The following CTNNA3 variants were observed in gnomAD, a reference collection of about 807,000 sequenced individuals.
The protein encoded by CTNNA3 is catenin alpha 3, also known as catenin alpha-3.
In CTNNA3, 76 loss-of-function variants were observed where a neutral mutation model predicts 95.7. That is an observed-to-expected ratio of 0.79 (90% CI 0.66 to 0.96). CTNNA3 has a LOEUF of 0.96. Ranked by LOEUF, CTNNA3 falls within the 40% of genes least tolerant of loss-of-function variation. CTNNA3 has a pLI of 0.00. For missense variants in CTNNA3, 1,191 were observed against 1,089.8 expected, an observed-to-expected ratio of 1.09 and a Z score of -1.31; for synonymous variants, 431 against 374.4, an observed-to-expected ratio of 1.15 and a Z score of -1.74.
At chr10:67,458,836 C>T (rs570641170) in intron 5 of CTNNA3, among the ~76,000 whole-genome samples, 1 of 152,218 alleles carries the variant, frequency 6.6e-6, no homozygotes, top group Non-Finnish European at 1.5e-5. Context: ...AGGTTCCTCG[C>T]TTAACATGTG....
intron 7 of CTNNA3, among the ~76,000 whole-genome samples, chr10:67,051,310 C>G (rs1024128664): frequency 3.9e-5 from 6 of 152,110 alleles, no homozygotes; most frequent in Non-Finnish European, 8.8e-5. Context: ...AATGTCTTCA[C>G]AATTGTACTC....
chr10:66,980,931 A>G (rs765881762), intron 7 of CTNNA3, among the ~76,000 whole-genome samples: 11 of 145,342 alleles, frequency 7.6e-5, no homozygotes, highest in Non-Finnish European at 1.3e-4. Context: ...TTTGAGACAG[A>G]GTTTCACTCT....
intron 15 of CTNNA3, 78 bp from the exon 16 acceptor site, chr10:65,988,875 G>A (rs925578748): frequency 2.0e-6 from 2 of 988,958 alleles, no homozygotes; most frequent in African/African-American, 1.6e-5. Context: ...ATGAAAAAAT[G>A]TATTAATCTA....
chr10:66,659,105 A>G (rs1018884372), intron 9 of CTNNA3, among the ~76,000 whole-genome samples: 2 of 152,044 alleles, frequency 1.3e-5, no homozygotes, highest in African/African-American at 4.8e-5. Flanking sequence ...AACTGGGACT[A>G]TATCATTGAA....
chr10:66,050,269 T>C (rs950965987), intron 15 of CTNNA3, among the ~76,000 whole-genome samples: 3 of 152,068 alleles, frequency 2.0e-5, no homozygotes, highest in East Asian at 1.9e-4. Flanking sequence ...TTTTCTGAAA[T>C]CCAAAATATC....
intron 11 of CTNNA3, among the ~76,000 whole-genome samples, chr10:66,448,112 C>G (rs941045782): frequency 6.6e-6 from 1 of 152,172 alleles, no homozygotes. Flanking sequence ...AAATGCAAAT[C>G]AAAACCACAA....
At chr10:67,740,079 T>C (rs1181851960) in intron 1 of CTNNA3, among the ~76,000 whole-genome samples, 1 of 152,188 alleles carries the variant, frequency 6.6e-6, no homozygotes, top group Non-Finnish European at 1.5e-5. Flanking sequence ...ATTTAATAAA[T>C]GGTGCTGAGA....
rs995463000 is a variant in CTNNA3 at position 67,235,042 on chromosome 10, T to C, written c.580-15172A>G. On this transcript the variant is annotated intron_variant, in intron 5 of 17. Coordinates refer to ENST00000433211, the MANE Select transcript of CTNNA3 (RefSeq NM_013266.4). ...TACAAACAAATGGAAGAACATTCCA[T>C]GCTCATGGGTAGGAAGAATCAATAT... Among the ~76,000 whole-genome samples the C allele has an allele frequency of 2.7e-4, 41 of 151,252 alleles. No individual in the cohort carries two copies. The South Asian group carries it at 7.8e-3, about 29-fold the overall frequency.
intron 7 of CTNNA3, among the ~76,000 whole-genome samples, chr10:67,073,249 A>G (rs576786072): frequency 2.8e-4 from 43 of 152,314 alleles, no homozygotes; most frequent in African/African-American, 1.0e-3. Flanking sequence ...AAGCTATTAC[A>G]TTTTAATAGC....
At chr10:67,360,242 C>T (rs1315239433) in intron 5 of CTNNA3, among the ~76,000 whole-genome samples, 1 of 151,876 alleles carries the variant, frequency 6.6e-6, no homozygotes, top group Non-Finnish European at 1.5e-5. Flanking sequence ...CACCTGCTAC[C>T]ATAAAAACAT....
chr10:67,145,079 G>A (rs1476506423), intron 7 of CTNNA3, among the ~76,000 whole-genome samples: 1 of 152,144 alleles, frequency 6.6e-6, no homozygotes, highest in Non-Finnish European at 1.5e-5. Flanking sequence ...AAAGCTGGAG[G>A]AATGGCTGTT....
At chr10:66,870,264 C>T (rs552597557) in intron 7 of CTNNA3, among the ~76,000 whole-genome samples, 62 of 152,252 alleles carry the variant, frequency 4.1e-4, no homozygotes, top group Admixed American at 3.9e-3. Flanking sequence ...TCATTACTAT[C>T]CTATTCTCCA....
At chr10:66,724,064 T>C (rs1184248007) in intron 9 of CTNNA3, among the ~76,000 whole-genome samples, 3 of 152,052 alleles carry the variant, frequency 2.0e-5, no homozygotes, top group African/African-American at 7.2e-5. Flanking sequence ...TCCCTGTGTT[T>C]CCTCTAGTCA....
intron 7 of CTNNA3, among the ~76,000 whole-genome samples, chr10:66,856,991 T>C (rs1843708832): frequency 6.6e-6 from 1 of 152,004 alleles, no homozygotes; most frequent in Non-Finnish European, 1.5e-5. Flanking sequence ...GGGACTATGT[T>C]CAGAATGGCA....
At chr10:66,497,581 C>A (rs1056992481) in intron 11 of CTNNA3, among the ~76,000 whole-genome samples, 4 of 151,968 alleles carry the variant, frequency 2.6e-5, no homozygotes, top group Non-Finnish European at 4.4e-5. Flanking sequence ...AGGATAGGAA[C>A]AAACATGATT....
intron 7 of CTNNA3, among the ~76,000 whole-genome samples, chr10:67,022,450 A>G (rs1017268402): frequency 6.6e-6 from 1 of 152,168 alleles, no homozygotes; most frequent in African/African-American, 2.4e-5. Flanking sequence ...CTACTCCAAG[A>G]TGACCCTAGA....
chr10:66,428,588 G>A (rs1178051901), intron 11 of CTNNA3, among the ~76,000 whole-genome samples: 1 of 152,114 alleles, frequency 6.6e-6, no homozygotes, highest in African/African-American at 2.4e-5. Flanking sequence ...TAGAAGGCAG[G>A]ATTAAGAAAC....
intron 7 of CTNNA3, among the ~76,000 whole-genome samples, chr10:67,046,392 C>A (rs1297139582): frequency 6.6e-6 from 1 of 152,170 alleles, no homozygotes; most frequent in Non-Finnish European, 1.5e-5. Context: ...GTTATCTCTA[C>A]CAGAGTAACT....
At chr10:67,103,241 A>G (rs1310966726) in intron 7 of CTNNA3, among the ~76,000 whole-genome samples, 1 of 151,870 alleles carries the variant, frequency 6.6e-6, no homozygotes, top group East Asian at 1.9e-4. Flanking sequence ...GTGCTTTCCC[A>G]TATCAATGTG....
Sources: allele counts gnomAD v4.1 joint callset (sites outside exome capture counted in the v4.1 genomes callset), GRCh38; gene constraint gnomAD v4.1.1; transcripts MANE v1.5; gene names NCBI Gene and HGNC (gene_info 2026-07-23, HGNC 2026-07-21).